CRYL1: variants seen among roughly 807,000 people sequenced by gnomAD.
CRYL1 encodes the protein crystallin lambda 1, also known as lambda-crystallin homolog.
CRYL1 carries 29 observed loss-of-function variants against 36.6 expected under a neutral mutation model. The observed-to-expected ratio is 0.79, with a 90% CI of 0.59 to 1.08. CRYL1 has a LOEUF of 1.08. CRYL1 is among the 50% of genes least tolerant of loss of function. CRYL1 has a pLI of 0.00. For synonymous variants in CRYL1, 152 were observed against 151.5 expected (o/e 1.00, Z -0.02); for missense variants, 411 against 407.9 (o/e 1.01, Z -0.06).
chr13:20,482,390 G>C (rs936948809), intron 3 of CRYL1, among the ~76,000 whole-genome samples: 2 of 152,176 alleles, frequency 1.3e-5, no homozygotes, highest in Admixed American at 1.3e-4. Flanking sequence ...CCAGAGATTA[G>C]ATAAGGCCTC....
rs930914742 is a variant in CRYL1 at position 20,432,145 on chromosome 13, C to A, written c.590G>T (p.Arg197Leu). Residue 197 changes from arginine (R) to leucine (L), a missense_variant, in exon 5 of 8, where the codon CGC (arginine) becomes CTC (leucine). Coordinates refer to ENST00000298248, the MANE Select transcript of CRYL1 (RefSeq NM_015974.3). Reference protein sequence around the residue: ...QKEVAGFVLNRLQYAIISEAW... With the variant: ...QKEVAGFVLNLLQYAIISEAW... ...CTCGCTGATGATTGCATATTGCAGGCGGTTCAGAACGAAGCCGGCCACCTC... is the reference window on the plus strand; with the variant it reads ...CTCGCTGATGATTGCATATTGCAGGAGGTTCAGAACGAAGCCGGCCACCTC... The A allele has an allele frequency of 2.5e-6, 4 of 1,614,088 alleles. No homozygotes were observed. The highest frequency in any genetic ancestry group is 1.6e-4 in the Middle Eastern group (1 of 6,062).
intron 3 of CRYL1, among the ~76,000 whole-genome samples, chr13:20,474,645 T>C (rs1229552142): frequency 6.6e-6 from 1 of 152,114 alleles, no homozygotes; most frequent in Non-Finnish European, 1.5e-5. Context: ...AATAAAATGC[T>C]CCTGGCCCCT....
rs563586387 is a variant in CRYL1 at position 20,498,040 on chromosome 13, C to A, written c.150-8544G>T. Among the ~76,000 whole-genome samples, 8 of 151,618 alleles carry A rather than the reference C, an allele frequency of 5.3e-5. No homozygotes were observed. In the South Asian group the frequency reaches 1.5e-3, roughly 28 times the overall value. On this transcript the variant is annotated intron_variant, in intron 2 of 7. Transcript: ENST00000298248. ...TCACAGTTCTGTCTCTAGAGCTACA[C>A]ACACAACTACACACACACCCTATAC...
At chr13:20,507,454 T>C (rs9315648) in intron 2 of CRYL1, among the ~76,000 whole-genome samples, 44,632 of 152,142 alleles carry the variant, frequency 0.29, 7,980 homozygotes, top group Admixed American at 0.4. Context: ...GTCAACTCCT[T>C]GTCTGGAGTC....
At chr13:20,426,076 C>T (rs968060749) in intron 5 of CRYL1, among the ~76,000 whole-genome samples, 5 of 152,044 alleles carry the variant, frequency 3.3e-5, no homozygotes, top group Non-Finnish European at 7.4e-5. Flanking sequence ...TGGCTGGAGG[C>T]GGGTGGCTGA....
intron 2 of CRYL1, among the ~76,000 whole-genome samples, chr13:20,511,707 G>A (rs11838882): frequency 0.02 from 3,039 of 152,250 alleles, 110 homozygotes; most frequent in African/African-American, 0.069. Context: ...GTTCCGTGAC[G>A]GCACCGCAGG....
chr13:20,461,303 T>C (rs2137431797), intron 3 of CRYL1, among the ~76,000 whole-genome samples: 1 of 152,378 alleles, frequency 6.6e-6, no homozygotes, highest in South Asian at 2.1e-4. Flanking sequence ...AGAGGTTCAA[T>C]GTTTACAAAA....
At chr13:20,450,789 T>C (rs1327112969) in intron 3 of CRYL1, among the ~76,000 whole-genome samples, 2 of 152,054 alleles carry the variant, frequency 1.3e-5, no homozygotes, top group African/African-American at 4.8e-5. Context: ...CTATTCACAA[T>C]AGCAAAGACT....
intron 2 of CRYL1, among the ~76,000 whole-genome samples, chr13:20,498,303 C>A (rs2033649069): frequency 6.6e-6 from 1 of 151,858 alleles, no homozygotes; most frequent in South Asian, 2.1e-4. Context: ...ACACACTACA[C>A]ACACTCCATA....
intron 3 of CRYL1, among the ~76,000 whole-genome samples, chr13:20,480,357 G>A (rs1310633244): frequency 1.3e-5 from 2 of 151,894 alleles, no homozygotes; most frequent in East Asian, 1.9e-4. Flanking sequence ...AATCCAGCCT[G>A]GGTGACAAGA....
chr13:20,472,682 GC>G (rs1268613813), intron 3 of CRYL1, among the ~76,000 whole-genome samples: 2 of 152,326 alleles, frequency 1.3e-5, no homozygotes, highest in Non-Finnish European at 2.9e-5. Flanking sequence ...ACAGCGCGTG[GC>G]CCTCTGAGGC....
At chr13:20,470,910 C>CAAAAAAAAAAAAAAAAAAAAAAAA (rs11353451) in intron 3 of CRYL1, among the ~76,000 whole-genome samples, 1 of 40,906 alleles carries the variant, frequency 2.4e-5, no homozygotes, top group African/African-American at 8.7e-5. Flanking sequence ...AACTCCATCT[C>CAAAAAAAAAAAAAAAAAAAAAAAA]AAAAAAAAAA....
chr13:20,454,360 C>T (rs1467975846), intron 3 of CRYL1, among the ~76,000 whole-genome samples: 8 of 150,332 alleles, frequency 5.3e-5, no homozygotes, highest in African/African-American at 2.0e-4. Context: ...ATTATGTGAT[C>T]ATCCCAATAG....
intron 2 of CRYL1, among the ~76,000 whole-genome samples, chr13:20,492,144 CT>C (rs2033525274): frequency 6.6e-6 from 1 of 152,196 alleles, no homozygotes; most frequent in Non-Finnish European, 1.5e-5. Context: ...CAGACTGTGC[CT>C]CTTAAGTGGC....
At chr13:20,474,332 C>G (rs1033676203) in intron 3 of CRYL1, among the ~76,000 whole-genome samples, 5 of 152,210 alleles carry the variant, frequency 3.3e-5, no homozygotes, top group African/African-American at 1.2e-4. Flanking sequence ...CCCACCTGCC[C>G]TGTCCCGTCC....
intron 5 of CRYL1, among the ~76,000 whole-genome samples, chr13:20,430,067 G>C (rs1429265333): frequency 6.6e-6 from 1 of 152,018 alleles, no homozygotes; most frequent in East Asian, 1.9e-4. Context: ...TCATACCCTG[G>C]AAGTCATCGC....
intron 3 of CRYL1, among the ~76,000 whole-genome samples, chr13:20,467,692 G>A (rs549741859): frequency 1.5e-4 from 23 of 152,276 alleles, no homozygotes; most frequent in Non-Finnish European, 2.6e-4. Context: ...GTGGTGGCAC[G>A]CGCCTGTTGT....
At chr13:20,509,545 A>G (rs999109277) in intron 2 of CRYL1, among the ~76,000 whole-genome samples, 1 of 151,908 alleles carries the variant, frequency 6.6e-6, no homozygotes, top group Non-Finnish European at 1.5e-5. Context: ...TACATTAAAA[A>G]GTACTACTCA....
chr13:20,461,634 C>G (rs1456358197), intron 3 of CRYL1, among the ~76,000 whole-genome samples: 4 of 152,028 alleles, frequency 2.6e-5, no homozygotes, highest in Admixed American at 6.6e-5. Context: ...GAGAAACGGC[C>G]AGATACACAA....
Sources: gnomAD v4.1 joint callset for allele counts (sites outside exome capture counted in the v4.1 genomes callset) on GRCh38, gnomAD v4.1.1 for gene constraint, MANE v1.5 for transcripts, NCBI Gene and HGNC (gene_info 2026-07-23, HGNC 2026-07-21) for gene names.